Variants in MGAT4C observed in about 807,000 individuals in gnomAD.
MGAT4C encodes the protein MGAT4 family member C, also known as alpha-1,3-mannosyl-glycoprotein 4-beta-N-acetylglucosaminyltransferase C.
A neutral mutation model predicts 40.1 loss-of-function variants in MGAT4C; 19 were observed. The ratio of observed to expected loss-of-function variants is 0.47; its 90% confidence interval spans 0.33 to 0.70. MGAT4C has a LOEUF of 0.70. MGAT4C is among the 30% of genes least tolerant of loss of function. The probability of loss-of-function intolerance (pLI) is 0.02; values close to 1 mark genes in which losing one functional copy is unlikely to be tolerated. For missense variants in MGAT4C, 491 were observed against 563.2 expected (o/e 0.87, Z 1.30); for synonymous variants, 181 against 187.1 (o/e 0.97, Z 0.27).
intron 1 of MGAT4C, among the ~76,000 whole-genome samples, chr12:86,813,547 T>C (rs1308120725): frequency 1.3e-5 from 2 of 152,136 alleles, no homozygotes; most frequent in African/African-American, 4.8e-5. Context: ...TTCTAGGCTA[T>C]AATTTTATGG....
At chr12:86,460,577 G>A (rs1381183135) in intron 2 of MGAT4C, among the ~76,000 whole-genome samples, 1 of 152,028 alleles carries the variant, frequency 6.6e-6, no homozygotes, top group African/African-American at 2.4e-5. Flanking sequence ...TTGTTTTAAA[G>A]TATTTGTGTC....
At chr12:86,502,745 TAC>T (rs1958375897) in intron 2 of MGAT4C, among the ~76,000 whole-genome samples, 1 of 69,398 alleles carries the variant, frequency 1.4e-5, no homozygotes, top group Non-Finnish European at 3.4e-5. Flanking sequence ...CATATATAAA[TAC>T]ACGAGTTCTG....
chr12:86,311,438 A>C (rs1954070058), intron 4 of MGAT4C, among the ~76,000 whole-genome samples: 1 of 150,244 alleles, frequency 6.7e-6, no homozygotes, highest in African/African-American at 2.5e-5. Flanking sequence ...ACAGTATTTG[A>C]TTTTTAAAAG....
At chr12:86,808,750 C>T (rs1952412465) in intron 1 of MGAT4C, among the ~76,000 whole-genome samples, 1 of 151,950 alleles carries the variant, frequency 6.6e-6, no homozygotes, top group African/African-American at 2.4e-5. Context: ...CCCTCCTACG[C>T]AACATAGCAT....
intron 3 of MGAT4C, among the ~76,000 whole-genome samples, chr12:85,985,012 T>G (rs1383165313): frequency 1.3e-5 from 2 of 152,168 alleles, no homozygotes; most frequent in East Asian, 3.9e-4. Context: ...ACTCCTGACC[T>G]CAAGTGATCC....
intron 1 of MGAT4C, among the ~76,000 whole-genome samples, chr12:86,747,120 TAAACTC>T (rs1269852385): frequency 1.3e-5 from 2 of 151,664 alleles, no homozygotes; most frequent in Non-Finnish European, 3.0e-5. Context: ...AAATCTCTGA[TAAACTC>T]AGAGCATCCT....
chr12:86,695,324 G>C (rs1233430588), intron 2 of MGAT4C, among the ~76,000 whole-genome samples: 1 of 152,010 alleles, frequency 6.6e-6, no homozygotes, highest in African/African-American at 2.4e-5. Flanking sequence ...TTGGTAAAAA[G>C]GTAAATTATT....
intron 1 of MGAT4C, among the ~76,000 whole-genome samples, chr12:86,185,353 T>C (rs1336427063): frequency 6.6e-6 from 1 of 152,174 alleles, no homozygotes; most frequent in African/African-American, 2.4e-5. Context: ...AAAATATGTC[T>C]GATACATTGT....
At chr12:86,236,924 A>C (rs1951576401) in intron 1 of MGAT4C, among the ~76,000 whole-genome samples, 1 of 151,730 alleles carries the variant, frequency 6.6e-6, no homozygotes, top group Non-Finnish European at 1.5e-5. Flanking sequence ...TATACCTGGT[A>C]AAGGCTTTAT....
chr12:86,237,127 T>C (rs1416898618), intron 1 of MGAT4C, among the ~76,000 whole-genome samples: 12 of 150,846 alleles, frequency 8.0e-5, no homozygotes, highest in Admixed American at 6.0e-4. Flanking sequence ...AATAAGGATA[T>C]AGAAAACACA....
intron 2 of MGAT4C, among the ~76,000 whole-genome samples, chr12:86,031,418 C>T (rs1890743763): frequency 6.6e-6 from 1 of 151,696 alleles, no homozygotes; most frequent in Admixed American, 6.6e-5. Context: ...GTTAAATTTG[C>T]TTACATTGTT....
chr12:86,583,579 T>C (rs1215016622), intron 2 of MGAT4C, among the ~76,000 whole-genome samples: 3 of 151,174 alleles, frequency 2.0e-5, no homozygotes, highest in Non-Finnish European at 4.5e-5. Flanking sequence ...AGTTTAATAC[T>C]GTATTTAAAT....
At position 86,557,556 on chromosome 12, in the gene MGAT4C, G is replaced by A. The variant is rs117792156; in HGVS notation, c.-228-122291C>T. On this transcript the variant is annotated intron_variant, in intron 2 of 7. Transcript: ENST00000548651. Reference sequence around the variant, plus strand: ...ACCTGATGTCCCTATTCTTAGAAAAGCTTCACCAATCCTTCACTAAAAACC... The same window carrying A: ...ACCTGATGTCCCTATTCTTAGAAAAACTTCACCAATCCTTCACTAAAAACC... 0.018 allele frequency among the ~76,000 whole-genome samples: 2,713 copies of A among 152,230 alleles called. 152 individuals are homozygous for A. The East Asian group carries it at 0.19, about 11-fold the overall frequency.
At chr12:86,112,975 A>G (rs2135650989) in intron 1 of MGAT4C, among the ~76,000 whole-genome samples, 1 of 151,888 alleles carries the variant, frequency 6.6e-6, no homozygotes, top group South Asian at 2.1e-4. Context: ...TTAATCTAGG[A>G]GTGTAAGAGA....
chr12:86,802,198 C>CTTAA (rs1288159395), intron 1 of MGAT4C, among the ~76,000 whole-genome samples: 4 of 151,884 alleles, frequency 2.6e-5, no homozygotes, highest in Non-Finnish European at 5.9e-5. Context: ...TTTTAATAAC[C>CTTAA]TTAAACTTGC....
chr12:86,472,966 T>C (rs1452967391), intron 2 of MGAT4C, among the ~76,000 whole-genome samples: 2 of 152,122 alleles, frequency 1.3e-5, no homozygotes, highest in African/African-American at 4.8e-5. Flanking sequence ...TACGTATTTA[T>C]TTATTTAGAG....
chr12:86,713,609 T>C, intron 2 of MGAT4C, among the ~76,000 whole-genome samples: 1 of 152,248 alleles, frequency 6.6e-6, no homozygotes, highest in South Asian at 2.1e-4. Context: ...AGGAAATGAA[T>C]AGTTATGAAT....
In MGAT4C at chr12:86,780,017, CT is replaced by C. The variant is rs1199664292; in HGVS notation, c.-261-52777del. On this transcript the variant is annotated intron_variant, in intron 1 of 7. Transcript: ENST00000548651. ...GTTGGCCAAAATTAATGCAATACAG[CT>C]TTCCTATAAAATGAAATAATATAAT... is the stretch of plus-strand genomic sequence containing the variant. Among the ~76,000 whole-genome samples the C allele has an allele frequency of 1.1e-4, 16 of 151,986 alleles. No homozygotes were observed. The East Asian group carries it at 2.9e-3, about 28-fold the overall frequency.
chr12:86,133,728 T>C (rs1177341960), intron 1 of MGAT4C, among the ~76,000 whole-genome samples: 1 of 152,132 alleles, frequency 6.6e-6, no homozygotes, highest in African/African-American at 2.4e-5. Context: ...TGATGCTTAA[T>C]AAATCTCCTT....
Sources: gnomAD v4.1 joint callset for allele counts (sites outside exome capture counted in the v4.1 genomes callset) on GRCh38, gnomAD v4.1.1 for gene constraint, MANE v1.5 for transcripts, NCBI Gene and HGNC (gene_info 2026-07-23, HGNC 2026-07-21) for gene names.